Variants in TLL1 observed in about 807,000 individuals in gnomAD.
TLL1 encodes the protein tolloid-like protein 1.
Under a neutral mutation model 128.2 loss-of-function variants are expected in TLL1, and 49 were observed. That is an observed-to-expected ratio of 0.38 (90% CI 0.30 to 0.48). The LOEUF is 0.48. Ranked by LOEUF, TLL1 falls within the 20% of genes least tolerant of loss-of-function variation. TLL1 has a pLI of 0.96. For synonymous variants in TLL1, 454 were observed against 418.8 expected, an observed-to-expected ratio of 1.08 and a Z score of -1.03; for missense variants, 1,123 against 1,242.0, an observed-to-expected ratio of 0.90 and a Z score of 1.44.
rs1739108888 is a variant in TLL1 at position 166,038,731 on chromosome 4, A to G, written c.1159-608A>G. Among the ~76,000 whole-genome samples the G allele has an allele frequency of 2.6e-5, 4 of 152,310 alleles. No individual in the cohort carries two copies. The South Asian group carries it at 8.3e-4, about 32-fold the overall frequency. On this transcript the variant is annotated intron_variant, in intron 9 of 20. Coordinates refer to ENST00000061240, the MANE Select transcript of TLL1 (RefSeq NM_012464.5). ...CATGTACAAGATGCTGTAACTTGAA[A>G]GGTCTTTGTATATACATCTTTGGAT...
Position 166,102,586 on chromosome 4 carries a change from T to C in TLL1, c.*1710T>C, listed in dbSNP as rs1221483197. The C allele has an allele frequency of 2.6e-5, 4 of 152,192 alleles. No individual in the cohort carries two copies. The highest frequency in any genetic ancestry group is 5.9e-5 in the Non-Finnish European group (4 of 67,882). The allele number at this position is 152,192 out of a possible 1,614,324, so 9.4% of individuals were successfully genotyped here. On this transcript the variant is annotated 3_prime_UTR_variant, in exon 21 of 21. Coordinates refer to ENST00000061240, the MANE Select transcript of TLL1 (RefSeq NM_012464.5). ...AACTCTATTTTGATGTCAATATAGATTACTGTATGAAGTAGCTTTGTGTCT... is the reference window on the plus strand; with the variant it reads ...AACTCTATTTTGATGTCAATATAGACTACTGTATGAAGTAGCTTTGTGTCT...
rs771084629 is a variant in TLL1 at position 166,060,036 on chromosome 4, G to A, written c.1855G>A (p.Gly619Ser). 1.9e-6 allele frequency: 3 copies of A among 1,613,584 alleles called. No homozygotes were observed. The highest frequency in any genetic ancestry group is 2.5e-6 in the Non-Finnish European group (3 of 1,179,804). ...CTTTTCTTTTCTTCTAGCTGCTTGTGGTGGACTTCTTACCAAACTTAACGG... is the reference window on the plus strand; with the variant it reads ...CTTTTCTTTTCTTCTAGCTGCTTGTAGTGGACTTCTTACCAAACTTAACGG... Reference protein sequence around the residue: ...PDRRSCEAACGGLLTKLNGTI... With the variant: ...PDRRSCEAACSGLLTKLNGTI... The change falls in exon 15 of 21, where the codon GGT (glycine) becomes AGT (serine). Residue 619 changes from glycine (G) to serine (S), a missense_variant. This residue lies in a region of TLL1 where 634 missense variants were observed against 672.4 expected (regional missense o/e 0.94). Coordinates refer to ENST00000061240, the MANE Select transcript of TLL1 (RefSeq NM_012464.5).
chr4:165,907,693 C>T (rs1732330363), intron 1 of TLL1, among the ~76,000 whole-genome samples: 1 of 151,936 alleles, frequency 6.6e-6, no homozygotes, highest in Non-Finnish European at 1.5e-5. Context: ...GGATTACAGG[C>T]ACGCAACACC....
chr4:166,046,398 A>T (rs1739463035), intron 12 of TLL1, among the ~76,000 whole-genome samples: 1 of 152,188 alleles, frequency 6.6e-6, no homozygotes, highest in Admixed American at 6.5e-5. Context: ...AAAGGTGCCT[A>T]ATAGACATCT....
chr4:166,023,745 T>C (rs1199216617), intron 8 of TLL1, among the ~76,000 whole-genome samples: 1 of 152,228 alleles, frequency 6.6e-6, no homozygotes, highest in Non-Finnish European at 1.5e-5. Flanking sequence ...TTGTTTAGCA[T>C]GTATTTATCT....
chr4:166,062,514 CTGTT>C (rs1740369256), intron 15 of TLL1, among the ~76,000 whole-genome samples: 1 of 152,154 alleles, frequency 6.6e-6, no homozygotes, highest in Non-Finnish European at 1.5e-5. Context: ...ATTTGGCTCT[CTGTT>C]TGTCTGTTAT....
intron 5 of TLL1, among the ~76,000 whole-genome samples, chr4:166,000,750 T>C (rs1411447935): frequency 1.3e-5 from 2 of 152,204 alleles, no homozygotes; most frequent in Non-Finnish European, 2.9e-5. Flanking sequence ...AATATATTTT[T>C]AGGCATGTAA....
At chr4:165,876,709 A>G (rs1022563026) in intron 1 of TLL1, among the ~76,000 whole-genome samples, 1 of 152,128 alleles carries the variant, frequency 6.6e-6, no homozygotes, top group Non-Finnish European at 1.5e-5. Context: ...ATTATTCAGA[A>G]CTCAATTCCA....
At position 166,032,681 on chromosome 4, in the gene TLL1, A is replaced by C. The variant is rs528787348; in HGVS notation, c.1159-6658A>C. 2.0e-5 allele frequency among the ~76,000 whole-genome samples: 3 copies of C among 152,298 alleles called. No individual in the cohort carries two copies. The East Asian group carries it at 5.8e-4, about 29-fold the overall frequency. Reference sequence around the variant, plus strand: ...TTCATATTGCATAGTTTTCTAAAGAAAACAATGCTTTATTTGCTTTCTGAA... The same window carrying C: ...TTCATATTGCATAGTTTTCTAAAGACAACAATGCTTTATTTGCTTTCTGAA... On this transcript the variant is annotated intron_variant, in intron 9 of 20. Transcript: ENST00000061240.
chr4:166,084,611 G>A (rs763610473), intron 18 of TLL1, among the ~76,000 whole-genome samples: 1 of 152,082 alleles, frequency 6.6e-6, no homozygotes, highest in Non-Finnish European at 1.5e-5. Context: ...TGGATATCCA[G>A]TTTTCCCAAT....
chr4:166,102,346 G>T lies in TLL1; in HGVS notation c.*1470G>T, dbSNP rs1201652512. ...TGAATTTTCTGCTTTAAAGGCATGT[G>T]TGTTTTTAAAATTAATGAATGTAGA... On this transcript the variant is annotated 3_prime_UTR_variant, in exon 21 of 21. Coordinates refer to ENST00000061240, the MANE Select transcript of TLL1 (RefSeq NM_012464.5). 6.6e-6 allele frequency: 1 copy of T among 152,374 alleles called. No individual in the cohort carries two copies. Among genetic ancestry groups the T allele is most frequent in the African/African-American group, 2.4e-5 (1 of 41,404 alleles). 9.4% of individuals were successfully genotyped at this position (152,374 alleles called of 1,614,324 possible).
At chr4:166,038,646 TG>T (rs1739105381) in intron 9 of TLL1, among the ~76,000 whole-genome samples, 1 of 152,204 alleles carries the variant, frequency 6.6e-6, no homozygotes, top group South Asian at 2.1e-4. Flanking sequence ...TTCCTAGAAT[TG>T]TCTCTTGAGT....
At chr4:165,905,947 T>C (rs1031028663) in intron 1 of TLL1, among the ~76,000 whole-genome samples, 2 of 152,160 alleles carry the variant, frequency 1.3e-5, no homozygotes, top group Non-Finnish European at 2.9e-5. Flanking sequence ...TAGGAATGAT[T>C]CTGCTTGCCT....
At chr4:166,046,860 C>A (rs573553999) in intron 12 of TLL1, among the ~76,000 whole-genome samples, 1 of 152,074 alleles carries the variant, frequency 6.6e-6, no homozygotes, top group African/African-American at 2.4e-5. Context: ...TTCAGTATTC[C>A]GAGCAACTTA....
intron 1 of TLL1, among the ~76,000 whole-genome samples, chr4:165,916,317 A>C (rs1475571012): frequency 1.3e-5 from 2 of 152,184 alleles, no homozygotes; most frequent in South Asian, 4.1e-4. Context: ...ACACACTAAT[A>C]CAGTATTTTA....
At chr4:166,063,874 A>T (rs148869029) in intron 15 of TLL1, among the ~76,000 whole-genome samples, 1,624 of 152,216 alleles carry the variant, frequency 0.011, 29 homozygotes, top group African/African-American at 0.037. Flanking sequence ...AAGGGATAGC[A>T]TTAGGAGATA....
chr4:165,973,207 A>C (rs1167546899), intron 1 of TLL1, among the ~76,000 whole-genome samples: 1 of 152,096 alleles, frequency 6.6e-6, no homozygotes, highest in African/African-American at 2.4e-5. Flanking sequence ...GAAAGAAGCA[A>C]GTAGTGGCTC....
chr4:165,916,918 T>A (rs148631755), intron 1 of TLL1, among the ~76,000 whole-genome samples: 3,240 of 152,220 alleles, frequency 0.021, 124 homozygotes, highest in African/African-American at 0.073. Flanking sequence ...TTTGCAGGAT[T>A]ATTGGAACTC....
chr4:166,096,245 C>A (rs950726884), intron 19 of TLL1, among the ~76,000 whole-genome samples: 1 of 138,148 alleles, frequency 7.2e-6, no homozygotes, highest in Non-Finnish European at 1.6e-5. Context: ...GTGTGTGTGT[C>A]ACGGTTAGAA....
Sources: allele counts gnomAD v4.1 joint callset (sites outside exome capture counted in the v4.1 genomes callset), GRCh38; gene constraint gnomAD v4.1.1; regional missense constraint gnomAD v4.1.1; transcripts MANE v1.5; gene names NCBI Gene and HGNC (gene_info 2026-07-23, HGNC 2026-07-21).